FGF14: variants seen among roughly 807,000 people sequenced by gnomAD.
The protein encoded by FGF14 is fibroblast growth factor 14.
A neutral mutation model predicts 25.5 loss-of-function variants in FGF14; 5 were observed. That is an observed-to-expected ratio of 0.20 (90% confidence interval 0.10 to 0.41). The LOEUF is 0.41. FGF14 is among the 10% of genes least tolerant of loss of function. The pLI is 1.00. For missense variants in FGF14, 222 were observed against 320.1 expected, an observed-to-expected ratio of 0.69 and a Z score of 2.34; for synonymous variants, 138 against 118.3, an observed-to-expected ratio of 1.17 and a Z score of -1.08.
At chr13:102,389,960 T>C (rs2058394476) in intron 1 of FGF14, among the ~76,000 whole-genome samples, 1 of 152,208 alleles carries the variant, frequency 6.6e-6, no homozygotes, top group Non-Finnish European at 1.5e-5. Context: ...CCCTTGGTAG[T>C]TCCTGAAATT....
At chr13:102,346,935 G>C (rs919137221) in intron 1 of FGF14, among the ~76,000 whole-genome samples, 1 of 152,084 alleles carries the variant, frequency 6.6e-6, no homozygotes, top group Non-Finnish European at 1.5e-5. Context: ...TATTCTAATG[G>C]AGTGGAAAAC....
chr13:102,055,508 A>G (rs2042390300), intron 1 of FGF14, among the ~76,000 whole-genome samples: 1 of 152,214 alleles, frequency 6.6e-6, no homozygotes, highest in Non-Finnish European at 1.5e-5. Flanking sequence ...TTGTTATCCT[A>G]CTTGGAATAA....
intron 1 of FGF14, among the ~76,000 whole-genome samples, chr13:101,977,939 G>T (rs2038025507): frequency 9.1e-6 from 1 of 110,316 alleles, no homozygotes. Flanking sequence ...ATTTCTCAAT[G>T]TAAAAAAAAA....
intron 1 of FGF14, among the ~76,000 whole-genome samples, chr13:101,950,189 T>G (rs2036069726): frequency 1.3e-5 from 2 of 151,854 alleles, no homozygotes; most frequent in African/African-American, 4.8e-5. Context: ...ACTCAACGAG[T>G]CTATAATGAC....
At chr13:101,840,471 A>G (rs987859325) in intron 3 of FGF14, among the ~76,000 whole-genome samples, 9 of 151,628 alleles carry the variant, frequency 5.9e-5, no homozygotes, top group African/African-American at 2.2e-4. Context: ...ATTCACTAAT[A>G]TAATTATTAA....
At chr13:101,882,934 T>C (rs2045792808) in intron 1 of FGF14, among the ~76,000 whole-genome samples, 1 of 152,166 alleles carries the variant, frequency 6.6e-6, no homozygotes, top group Non-Finnish European at 1.5e-5. Flanking sequence ...ATAAAATTTT[T>C]TTTTTATTAA....
chr13:102,023,689 A>G (rs1460109904), intron 1 of FGF14, among the ~76,000 whole-genome samples: 2 of 152,086 alleles, frequency 1.3e-5, no homozygotes, highest in East Asian at 3.9e-4. Flanking sequence ...CAATGGAATC[A>G]TACAAGATGC....
At chr13:102,061,433 G>T (rs482960) in intron 1 of FGF14, among the ~76,000 whole-genome samples, 5 of 152,222 alleles carry the variant, frequency 3.3e-5, no homozygotes, top group African/African-American at 1.2e-4. Context: ...ACGAGCCACA[G>T]CCCCATGGCA....
rs537250084 is a variant in FGF14 at position 101,818,937 on chromosome 13, C to A, written c.408+49788G>T. On this transcript the variant is annotated intron_variant, in intron 3 of 4. Coordinates refer to ENST00000376143, the MANE Select transcript of FGF14 (RefSeq NM_004115.4). ...TCCATTACTCCTGGTCAAAAATTAC[C>A]CCTTTCATTATTTCTTCTGTTCCCT... 5.9e-5 allele frequency among the ~76,000 whole-genome samples: 9 copies of A among 152,208 alleles called. No homozygotes were observed. In the South Asian group the frequency reaches 1.9e-3, roughly 32 times the overall value.
chr13:101,916,694 A>AGCCGGGGGC lies in FGF14; in HGVS notation c.-58_-50dup. The AGCCGGGGGC allele has an allele frequency of 7.0e-7, 1 of 1,435,560 alleles. No homozygotes were observed. Among genetic ancestry groups the AGCCGGGGGC allele is most frequent in the Non-Finnish European group, 9.2e-7 (1 of 1,087,756 alleles). The allele number at this position is 1,435,560 out of a possible 1,614,324, so 88.9% of individuals were successfully genotyped here. On this transcript the variant is annotated 5_prime_UTR_variant, in exon 1 of 5. Transcript: ENST00000376143. Reference sequence around the variant, plus strand: ...GGAGGGAGGGCGCGGGAGGACGGCGAGCCGGGGGCACCGGAGGGGAAGGCG... The same window carrying AGCCGGGGGC: ...GGAGGGAGGGCGCGGGAGGACGGCGAGCCGGGGGCGCCGGGGGCACCGGAGGGGAAGGCG...
chr13:101,868,937 T>C (rs756734702), intron 2 of FGF14, 109 bp from the exon 3 acceptor site: 33 of 758,274 alleles, frequency 4.4e-5, no homozygotes, highest in Non-Finnish European at 7.4e-5. Flanking sequence ...TTGCCAATAC[T>C]TTCTAGAAAT....
At chr13:102,025,991 C>T (rs73565759) in intron 1 of FGF14, among the ~76,000 whole-genome samples, 4,813 of 151,972 alleles carry the variant, frequency 0.032, 245 homozygotes, top group African/African-American at 0.11. Context: ...CAATGTTAAA[C>T]AGAAGTGGCA....
At chr13:101,762,830 T>C (rs1195106164) in intron 3 of FGF14, among the ~76,000 whole-genome samples, 1 of 152,196 alleles carries the variant, frequency 6.6e-6, no homozygotes, top group Non-Finnish European at 1.5e-5. Flanking sequence ...CCGTATCATG[T>C]CAAATCCTAC....
At chr13:101,760,683 T>G (rs1566866800) in intron 3 of FGF14, among the ~76,000 whole-genome samples, 1 of 152,236 alleles carries the variant, frequency 6.6e-6, no homozygotes, top group Non-Finnish European at 1.5e-5. Context: ...ACTGAGCATC[T>G]ATTGCATGCT....
chr13:101,813,921 A>C (rs1246408517), intron 3 of FGF14, among the ~76,000 whole-genome samples: 1 of 152,224 alleles, frequency 6.6e-6, no homozygotes, highest in African/African-American at 2.4e-5. Flanking sequence ...ATGACCACTG[A>C]AAGTGGTAGA....
intron 3 of FGF14, among the ~76,000 whole-genome samples, chr13:101,859,678 G>A (rs903998582): frequency 9.9e-5 from 15 of 151,982 alleles, no homozygotes; most frequent in Non-Finnish European, 1.5e-4. Flanking sequence ...AGGTCGTATG[G>A]TTTTGGTTGT....
At chr13:102,216,752 TTCC>T (rs66863497) in intron 1 of FGF14, among the ~76,000 whole-genome samples, 50,713 of 151,808 alleles carry the variant, frequency 0.33, 9,339 homozygotes, top group African/African-American at 0.49. Context: ...CCAGAACTTA[TTCC>T]TCCTATCTAA....
intron 1 of FGF14, among the ~76,000 whole-genome samples, chr13:101,992,271 TCA>T (rs2038953090): frequency 6.6e-6 from 1 of 152,070 alleles, no homozygotes; most frequent in Non-Finnish European, 1.5e-5. Flanking sequence ...ATAAGGCCAG[TCA>T]CAGAAATTTT....
At chr13:102,165,479 G>A (rs1338946730) in intron 1 of FGF14, among the ~76,000 whole-genome samples, 1 of 151,858 alleles carries the variant, frequency 6.6e-6, no homozygotes, top group East Asian at 1.9e-4. Context: ...GGAATACTAT[G>A]CAGCCATAAA....
Sources: allele counts gnomAD v4.1 joint callset (sites outside exome capture counted in the v4.1 genomes callset), GRCh38; gene constraint gnomAD v4.1.1; transcripts MANE v1.5; gene names NCBI Gene and HGNC (gene_info 2026-07-23, HGNC 2026-07-21).